Variants in DPP10 observed in about 807,000 individuals in gnomAD.
DPP10 encodes the protein dipeptidyl peptidase like 10.
In DPP10, 33 loss-of-function variants were observed where a neutral mutation model predicts 120.9. The ratio of observed to expected loss-of-function variants is 0.27; its 90% CI spans 0.21 to 0.37. DPP10 has a LOEUF of 0.37. DPP10 is among the 10% of genes least tolerant of loss of function. DPP10 has a pLI of 1.00. For missense variants in DPP10, 816 were observed against 942.8 expected (o/e 0.87, Z 1.76); for synonymous variants, 337 against 326.1 (o/e 1.03, Z -0.36).
intron 1 of DPP10, among the ~76,000 whole-genome samples, chr2:114,578,009 T>C (rs1690196814): frequency 6.6e-6 from 1 of 152,318 alleles, no homozygotes; most frequent in African/African-American, 2.4e-5. Flanking sequence ...TACTGCAGGT[T>C]GAACTTCAAA....
intron 1 of DPP10, among the ~76,000 whole-genome samples, chr2:114,535,851 T>A (rs565050177): frequency 6.6e-6 from 1 of 152,306 alleles, no homozygotes; most frequent in South Asian, 2.1e-4. Flanking sequence ...GCCCTCGTAT[T>A]TTCAACCTCA....
chr2:114,459,325 G>A (rs2104560328), intron 1 of DPP10, among the ~76,000 whole-genome samples: 1 of 152,192 alleles, frequency 6.6e-6, no homozygotes, highest in South Asian at 2.1e-4. Context: ...TTTGTTCTAG[G>A]GTCCTAAATT....
chr2:115,133,564 G>A (rs765357869), intron 1 of DPP10, among the ~76,000 whole-genome samples: 5 of 152,030 alleles, frequency 3.3e-5, no homozygotes, highest in Admixed American at 1.3e-4. Flanking sequence ...TTTATCAGGC[G>A]TCGTGAGGTA....
At chr2:115,202,282 G>A (rs910807704) in intron 1 of DPP10, among the ~76,000 whole-genome samples, 2 of 152,068 alleles carry the variant, frequency 1.3e-5, no homozygotes, top group African/African-American at 4.8e-5. Context: ...TGAATTTTAA[G>A]TTAAGCAATT....
chr2:114,973,910 A>C (rs1355646232), intron 1 of DPP10, among the ~76,000 whole-genome samples: 2 of 152,104 alleles, frequency 1.3e-5, no homozygotes, highest in Admixed American at 6.5e-5. Flanking sequence ...AAAGAAAAAA[A>C]CTAAAATAAA....
intron 2 of DPP10, among the ~76,000 whole-genome samples, chr2:115,331,727 G>C (rs972901929): frequency 3.3e-5 from 5 of 152,046 alleles, no homozygotes; most frequent in African/African-American, 1.2e-4. Context: ...GATTATGTTT[G>C]TTGATTTGCA....
chr2:114,473,253 G>A (rs1222661494), intron 1 of DPP10, among the ~76,000 whole-genome samples: 1 of 152,170 alleles, frequency 6.6e-6, no homozygotes, highest in Non-Finnish European at 1.5e-5. Flanking sequence ...GCAGTATGAG[G>A]TGTATGGTAG....
intron 4 of DPP10, among the ~76,000 whole-genome samples, chr2:115,523,485 C>T (rs745473834): frequency 2.7e-5 from 4 of 148,370 alleles, no homozygotes; most frequent in African/African-American, 5.0e-5. Context: ...TGTCTTGTTA[C>T]GTATGCTTCT....
chr2:114,683,714 T>G (rs1301293824), intron 1 of DPP10, among the ~76,000 whole-genome samples: 1 of 151,852 alleles, frequency 6.6e-6, no homozygotes. Flanking sequence ...CTAACTCCCT[T>G]CTACTACTTG....
chr2:115,011,643 A>G (rs1282818901), intron 1 of DPP10, among the ~76,000 whole-genome samples: 2 of 151,998 alleles, frequency 1.3e-5, no homozygotes, highest in African/African-American at 2.4e-5. Flanking sequence ...TGGGGATAGC[A>G]GATTAAGATG....
chr2:114,555,648 A>G (rs770959344), intron 1 of DPP10, among the ~76,000 whole-genome samples: 16 of 152,180 alleles, frequency 1.1e-4, no homozygotes, highest in Non-Finnish European at 7.4e-5. Context: ...AGCCCCATAC[A>G]CAGGGAGCCT....
At chr2:114,970,588 CTT>C (rs1163427294) in intron 1 of DPP10, among the ~76,000 whole-genome samples, 1 of 152,158 alleles carries the variant, frequency 6.6e-6, no homozygotes, top group African/African-American at 2.4e-5. Flanking sequence ...TTTATCTGAA[CTT>C]TACCTACAAC....
chr2:114,640,045 G>A (rs773978660), intron 1 of DPP10, among the ~76,000 whole-genome samples: 8 of 151,952 alleles, frequency 5.3e-5, no homozygotes, highest in Non-Finnish European at 1.2e-4. Context: ...CAAATAGGAT[G>A]TAGTTACCAG....
At chr2:115,137,473 T>C (rs181967452) in intron 1 of DPP10, among the ~76,000 whole-genome samples, 137 of 152,280 alleles carry the variant, frequency 9.0e-4, no homozygotes, top group Admixed American at 2.7e-3. Context: ...CTGCAGAGGA[T>C]AGCGACATAG....
chr2:114,456,623 G>A (rs1287544402), intron 1 of DPP10, among the ~76,000 whole-genome samples: 1 of 152,248 alleles, frequency 6.6e-6, no homozygotes, highest in African/African-American at 2.4e-5. Context: ...AAAAATAGCA[G>A]TATATAATGA....
intron 3 of DPP10, among the ~76,000 whole-genome samples, chr2:115,454,746 CA>C (rs2073388405): frequency 6.6e-6 from 1 of 151,468 alleles, no homozygotes; most frequent in Non-Finnish European, 1.5e-5. Flanking sequence ...GAAAAAAAAG[CA>C]ATTAACAGCA....
intron 1 of DPP10, among the ~76,000 whole-genome samples, chr2:114,773,363 G>A (rs2680928): frequency 0.049 from 2,377 of 48,962 alleles, 181 homozygotes; most frequent in African/African-American, 0.11. Context: ...AACTCAGCAG[G>A]CCTGACTTTT....
chr2:115,743,044 A>G (rs190319514), intron 9 of DPP10, among the ~76,000 whole-genome samples: 1 of 151,730 alleles, frequency 6.6e-6, no homozygotes, highest in East Asian at 1.9e-4. Context: ...TCTAGTTGCC[A>G]GTAAAATAAG....
At chr2:115,549,544 A>G (rs1163975845) in intron 5 of DPP10, among the ~76,000 whole-genome samples, 1 of 152,096 alleles carries the variant, frequency 6.6e-6, no homozygotes, top group African/African-American at 2.4e-5. Context: ...TTTATTATAA[A>G]TATTGGTCTG....
Sources: allele counts gnomAD v4.1 joint callset (sites outside exome capture counted in the v4.1 genomes callset), GRCh38; gene constraint gnomAD v4.1.1; transcripts MANE v1.5; gene names NCBI Gene and HGNC (gene_info 2026-07-23, HGNC 2026-07-21).